Variants in GABPB1 observed in about 807,000 individuals in gnomAD.
GABPB1 encodes GA binding protein transcription factor subunit beta 1.
A neutral mutation model predicts 45.9 loss-of-function variants in GABPB1; 15 were observed. That is an observed-to-expected ratio of 0.33 (90% CI 0.22 to 0.50). The LOEUF is 0.50. Among genes scored for constraint, GABPB1 ranks in the 20% least tolerant of loss-of-function variants. The pLI is 0.98. For missense variants in GABPB1, 252 were observed against 457.5 expected, an observed-to-expected ratio of 0.55 and a Z score of 4.10; for synonymous variants, 143 against 154.4, an observed-to-expected ratio of 0.93 and a Z score of 0.55.
intron 6 of GABPB1, among the ~76,000 whole-genome samples, chr15:50,297,036 G>A (rs141827558): frequency 0.065 from 9,227 of 141,782 alleles, 818 homozygotes; most frequent in African/African-American, 0.21. Context: ...TCAGCCTCCC[G>A]AGTAGCTGGG....
intron 1 of GABPB1, chr15:50,353,355 A>T (rs1170154295): frequency 6.6e-6 from 1 of 152,176 alleles, no homozygotes; most frequent in Non-Finnish European, 1.5e-5. Context: ...TTGTATGGTG[A>T]AAGCACGGTA....
chr15:50,310,478 G>A (rs2047092519), intron 1 of GABPB1, among the ~76,000 whole-genome samples: 1 of 152,192 alleles, frequency 6.6e-6, no homozygotes, highest in South Asian at 2.1e-4. Context: ...AGTAAATAAA[G>A]TGCAAGATAT....
At chr15:50,296,618 T>C (rs1045233410) in intron 6 of GABPB1, among the ~76,000 whole-genome samples, 1 of 152,220 alleles carries the variant, frequency 6.6e-6, no homozygotes, top group Non-Finnish European at 1.5e-5. Context: ...AATAGCCATA[T>C]GCCCTTTGAT....
intron 8 of GABPB1, among the ~76,000 whole-genome samples, chr15:50,284,957 C>G (rs2046104138): frequency 6.6e-6 from 1 of 152,076 alleles, no homozygotes; most frequent in Non-Finnish European, 1.5e-5. Context: ...ACCAAATATT[C>G]CGGTTTAACC....
At chr15:50,325,304 CAAAA>C (rs35524259) in intron 1 of GABPB1, among the ~76,000 whole-genome samples, 31 of 120,968 alleles carry the variant, frequency 2.6e-4, no homozygotes, top group Non-Finnish European at 3.1e-4. Context: ...GATGTTATGC[CAAAA>C]AAAAAAAAAA....
chr15:50,298,398 T>C (rs976058352), intron 6 of GABPB1, among the ~76,000 whole-genome samples: 1 of 152,222 alleles, frequency 6.6e-6, no homozygotes, highest in African/African-American at 2.4e-5. Context: ...AGGTAAGTTA[T>C]TTAATTAAAG....
At chr15:50,325,437 A>G (rs937056493) in intron 1 of GABPB1, among the ~76,000 whole-genome samples, 5 of 151,596 alleles carry the variant, frequency 3.3e-5, no homozygotes, top group African/African-American at 1.2e-4. Context: ...TGTAGAATGG[A>G]GCAATCAATG....
intron 1 of GABPB1, among the ~76,000 whole-genome samples, chr15:50,345,229 A>G (rs367654007): frequency 1.3e-5 from 2 of 152,378 alleles, no homozygotes; most frequent in East Asian, 3.9e-4. Flanking sequence ...ATAGTAACAC[A>G]TATATACTAG....
intron 4 of GABPB1, 72 bp downstream of exon 4, chr15:50,302,857 A>C: frequency 1.0e-6 from 1 of 990,922 alleles, no homozygotes; most frequent in East Asian, 2.6e-5. Flanking sequence ...TAAATCATGC[A>C]CAATATAAGA....
intron 1 of GABPB1, among the ~76,000 whole-genome samples, chr15:50,326,964 T>C (rs1360551982): frequency 6.6e-6 from 1 of 152,204 alleles, no homozygotes; most frequent in Non-Finnish European, 1.5e-5. Context: ...ACAAATTCAT[T>C]TGACAATGAA....
chr15:50,289,731 T>G, intron 6 of GABPB1, 63 bp from the exon 7 acceptor site: 1 of 1,271,108 alleles, frequency 7.9e-7, no homozygotes, highest in Non-Finnish European at 1.1e-6. Context: ...AACCTATTTT[T>G]GCTTTGTCTG....
At chr15:50,302,362 G>T (rs2046780449) in intron 4 of GABPB1, among the ~76,000 whole-genome samples, 2 of 152,080 alleles carry the variant, frequency 1.3e-5, no homozygotes, top group Non-Finnish European at 1.5e-5. Flanking sequence ...AATGTCTAGG[G>T]CCAGGCGCAG....
Position 50,282,287 on chromosome 15 carries a change from G to C in GABPB1, c.1000-3503C>G, listed in dbSNP as rs1171819310. 8.8e-6 allele frequency: 4 copies of C among 455,084 alleles called. No individual in the cohort carries two copies. The Admixed American group carries it at 9.4e-5, about 11-fold the overall frequency. The allele number at this position is 455,084 out of a possible 1,614,324, so 28.2% of individuals were successfully genotyped here. On this transcript the variant is annotated intron_variant, in intron 8 of 8. Coordinates refer to ENST00000380877, the MANE Select transcript of GABPB1 (RefSeq NM_016654.5). ...GAGAGAAGAGATATGACCTGGATAT[G>C]GTGACTTATGCCAGTAATCTCAACT...
chr15:50,324,631 G>A (rs1465004963), intron 1 of GABPB1, among the ~76,000 whole-genome samples: 5 of 139,408 alleles, frequency 3.6e-5, no homozygotes, highest in Admixed American at 8.1e-5. Flanking sequence ...TGCAACCTCC[G>A]CCTCCCGAGT....
chr15:50,300,335 C>T (rs768453390), intron 6 of GABPB1, among the ~76,000 whole-genome samples: 24 of 151,938 alleles, frequency 1.6e-4, no homozygotes, highest in Non-Finnish European at 3.2e-4. Context: ...CCTCCCTGCC[C>T]TTGCCCCATT....
intron 1 of GABPB1, among the ~76,000 whole-genome samples, chr15:50,334,505 C>CTTTTT (rs60433481): frequency 3.1e-4 from 34 of 109,374 alleles, no homozygotes; most frequent in Admixed American, 4.1e-4. Context: ...TCTTTTTTTC[C>CTTTTT]TTTTTTTTTT....
At chr15:50,337,041 C>A (rs1360607602) in intron 1 of GABPB1, among the ~76,000 whole-genome samples, 1 of 113,668 alleles carries the variant, frequency 8.8e-6, no homozygotes, top group Non-Finnish European at 1.9e-5. Context: ...TGAGACCTTG[C>A]CTCAAAAAGA....
At chr15:50,282,183 C>G (rs1273883116) in intron 8 of GABPB1, 1 of 412,036 alleles carries the variant, frequency 2.4e-6, no homozygotes, top group Non-Finnish European at 4.8e-6. Flanking sequence ...CTAGGCAACA[C>G]AGTGAGACCC....
At chr15:50,294,652 C>T (rs1381798105) in intron 6 of GABPB1, among the ~76,000 whole-genome samples, 1 of 152,078 alleles carries the variant, frequency 6.6e-6, no homozygotes, top group Non-Finnish European at 1.5e-5. Context: ...CCTCATGAGG[C>T]CCCATACATA....
Sources: gnomAD v4.1 joint callset for allele counts (sites outside exome capture counted in the v4.1 genomes callset) on GRCh38, gnomAD v4.1.1 for gene constraint, MANE v1.5 for transcripts, NCBI Gene and HGNC (gene_info 2026-07-23, HGNC 2026-07-21) for gene names.